Variants in C3orf22 observed in about 807,000 individuals in gnomAD.
The protein encoded by C3orf22 is chromosome 3 open reading frame 22, also known as uncharacterized protein C3orf22.
A neutral mutation model predicts 10.8 loss-of-function variants in C3orf22; 7 were observed. The observed-to-expected ratio is 0.65, with a 90% CI of 0.37 to 1.22. C3orf22 has a LOEUF of 1.22. Ranked by LOEUF, C3orf22 falls within the 50% of genes most tolerant of loss-of-function variation. The pLI is 0.02. For missense variants in C3orf22, 173 were observed against 177.0 expected (o/e 0.98, Z 0.13); for synonymous variants, 79 against 78.9 (o/e 1.00, Z 0.00).
chr3:126,543,694 G>T (rs1937020604), intron 4 of C3orf22, among the ~76,000 whole-genome samples: 1 of 151,998 alleles, frequency 6.6e-6, no homozygotes. Flanking sequence ...GTGCATAAGT[G>T]AGTATATGAG....
At chr3:126,553,456 G>T in intron 1 of C3orf22, 26 bp from the exon 2 acceptor site, 2 of 1,391,906 alleles carry the variant, frequency 1.4e-6, no homozygotes, top group South Asian at 1.2e-5. Context: ...AGGCGTCAGA[G>T]GGGGCAGGGG....
downstream of C3orf22, among the ~76,000 whole-genome samples, chr3:126,549,261 CCA>C (rs780351626): frequency 1.6e-3 from 230 of 144,512 alleles, 9 homozygotes; most frequent in African/African-American, 5.8e-3. Flanking sequence ...GCCCCCCCCC[CCA>C]CACACACACA....
chr3:126,551,246 A>AC (rs373707860), intron 3 of C3orf22, among the ~76,000 whole-genome samples: 36 of 136,810 alleles, frequency 2.6e-4, no homozygotes, highest in East Asian at 6.1e-4. Context: ...GTCAACACAG[A>AC]CCCCCCCCTG....
At chr3:126,556,923 CAG>C (rs760009511) in intron 1 of C3orf22, among the ~76,000 whole-genome samples, 2 of 125,928 alleles carry the variant, frequency 1.6e-5, no homozygotes, top group Admixed American at 7.9e-5. Flanking sequence ...TAGACACACA[CAG>C]ACACATACAC....
At chr3:126,541,897 G>A in intron 4 of C3orf22, 2 of 1,600,542 alleles carry the variant, frequency 1.2e-6, no homozygotes, top group Non-Finnish European at 1.7e-6. Context: ...TGCCCAAGGT[G>A]GCCTGCACCA....
At chr3:126,529,094 G>A in intron 5 of C3orf22, 1 of 375,454 alleles carries the variant, frequency 2.7e-6, no homozygotes, top group Middle Eastern at 4.3e-4. Context: ...TAGGGAGTCT[G>A]CAAACAGCAT....
chr3:126,550,218 C>G lies in C3orf22; in HGVS notation c.216-140G>C, dbSNP rs1472140573. ...CTCCCAACCAGGCTTGACCTGGCCC[C>G]TTCCACACAGAGGCTCTGCCACCTG... On this transcript the variant is annotated intron_variant, in intron 3 of 3. Coordinates refer to ENST00000318225, the MANE Select transcript of C3orf22 (RefSeq NM_152533.3). The G allele has an allele frequency of 6.6e-6, 6 of 914,522 alleles. No homozygotes were observed. The East Asian group carries it at 1.3e-4, about 20-fold the overall frequency. 56.7% of individuals were successfully genotyped at this position (914,522 alleles called of 1,614,324 possible).
At position 126,552,033 on chromosome 3, in the gene C3orf22, T is replaced by C; in HGVS notation, c.179A>G (p.Lys60Arg). Residue 60 changes from lysine (K) to arginine (R), a missense_variant, in exon 3 of 4, where the codon AAG (lysine) becomes AGG (arginine). Lys to Arg is a conservative substitution (Grantham distance 26, BLOSUM62 2). Coordinates refer to ENST00000318225, the MANE Select transcript of C3orf22 (RefSeq NM_152533.3). The stretch of plus-strand genomic sequence containing the variant: ...GATGGACCTCGTTGGCACCAACCTC[T>C]TCTGCAGGGGCAGCTGCACCGTGTT... ...DSNTVQLPLQ[K>R]RLVPTRSIPV... is the part of the protein sequence containing the mutation. 1 of 1,613,714 alleles carries C rather than the reference T, an allele frequency of 6.2e-7. No homozygotes were observed. Among genetic ancestry groups the C allele is most frequent in the Non-Finnish European group, 8.5e-7 (1 of 1,179,818 alleles).
chr3:126,556,983 CAT>C (rs1254048256), intron 1 of C3orf22, among the ~76,000 whole-genome samples: 2 of 140,994 alleles, frequency 1.4e-5, no homozygotes, highest in Admixed American at 1.5e-4. Flanking sequence ...CATACACACA[CAT>C]ACAGACACAT....
At chr3:126,542,410 G>A in intron 4 of C3orf22, 1 of 1,554,732 alleles carries the variant, frequency 6.4e-7, no homozygotes, top group East Asian at 2.5e-5. Flanking sequence ...CATCCGACCT[G>A]AGCTTCCCTG....
At chr3:126,534,824 C>G (rs1372683609) in intron 4 of C3orf22, among the ~76,000 whole-genome samples, 5 of 145,356 alleles carry the variant, frequency 3.4e-5, no homozygotes, top group Admixed American at 6.9e-5. Context: ...AGCCAGGAGA[C>G]AGACATACAC....
intron 4 of C3orf22, among the ~76,000 whole-genome samples, chr3:126,535,212 C>G (rs1936753112): frequency 6.6e-6 from 1 of 151,638 alleles, no homozygotes; most frequent in African/African-American, 2.4e-5. Context: ...GCATCGCTGT[C>G]CCCAGCCGGT....
At chr3:126,551,879 T>C (rs1205981818) in intron 3 of C3orf22, 118 bp downstream of exon 3, 8 of 1,174,162 alleles carry the variant, frequency 6.8e-6, no homozygotes, top group African/African-American at 1.6e-5. Context: ...TTTCCTCAGC[T>C]TTAAAGTGGC....
intron 4 of C3orf22, among the ~76,000 whole-genome samples, chr3:126,541,044 C>T (rs974591702): frequency 2.0e-5 from 3 of 152,158 alleles, no homozygotes; most frequent in East Asian, 1.9e-4. Context: ...AGCATGGAAG[C>T]GCTGGCCTGG....
downstream of C3orf22, among the ~76,000 whole-genome samples, chr3:126,548,390 C>A (rs1234710679): frequency 6.6e-5 from 10 of 152,208 alleles, no homozygotes; most frequent in Admixed American, 2.0e-4. Flanking sequence ...GGAAGGAGCA[C>A]CCAGCAGGGA....
intron 4 of C3orf22, among the ~76,000 whole-genome samples, chr3:126,530,518 C>A (rs545596837): frequency 6.6e-6 from 1 of 152,336 alleles, no homozygotes; most frequent in South Asian, 2.1e-4. Flanking sequence ...TTCCTCAGTC[C>A]CCAGCCACAG....
intron 2 of C3orf22, 42 bp downstream of exon 2, chr3:126,553,260 G>C (rs1225165576): frequency 7.2e-7 from 1 of 1,388,676 alleles, no homozygotes; most frequent in African/African-American, 1.4e-5. Context: ...GGGTGACCTG[G>C]GGGAGGCAGG....
At chr3:126,537,082 C>T (rs1936812493) in intron 4 of C3orf22, among the ~76,000 whole-genome samples, 1 of 152,166 alleles carries the variant, frequency 6.6e-6, no homozygotes, top group Admixed American at 6.5e-5. Flanking sequence ...CTGATCACCA[C>T]CCACACTAAT....
downstream of C3orf22, among the ~76,000 whole-genome samples, chr3:126,546,775 C>G (rs923339590): frequency 6.6e-6 from 1 of 152,144 alleles, no homozygotes; most frequent in Non-Finnish European, 1.5e-5. Context: ...GTTGCCAGCT[C>G]AAGGGTACAT....
Sources: gnomAD v4.1 joint callset for allele counts (sites outside exome capture counted in the v4.1 genomes callset) on GRCh38, gnomAD v4.1.1 for gene constraint, MANE v1.5 for transcripts, NCBI Gene and HGNC (gene_info 2026-07-23, HGNC 2026-07-21) for gene names.